DLG2: variants seen among roughly 807,000 people sequenced by gnomAD.
The protein encoded by DLG2 is disks large homolog 2.
DLG2 carries 45 observed loss-of-function variants against 132.5 expected under a neutral mutation model. That is an observed-to-expected ratio of 0.34 (90% CI 0.27 to 0.44). The LOEUF is 0.44. Among genes scored for constraint, DLG2 ranks in the 20% least tolerant of loss-of-function variants. The pLI is 1.00. For synonymous variants in DLG2, 424 were observed against 419.6 expected (o/e 1.01, Z -0.13); for missense variants, 1,045 against 1,196.9 (o/e 0.87, Z 1.87).
chr11:85,556,200 TG>T (rs1409400113), intron 3 of DLG2, among the ~76,000 whole-genome samples: 1 of 151,848 alleles, frequency 6.6e-6, no homozygotes, highest in Admixed American at 6.6e-5. Flanking sequence ...ACTCATTGCG[TG>T]TTTACTATTA....
chr11:83,995,717 C>T (rs1036952084), intron 11 of DLG2, among the ~76,000 whole-genome samples: 1 of 152,048 alleles, frequency 6.6e-6, no homozygotes, highest in Admixed American at 6.6e-5. Flanking sequence ...AAAACATACA[C>T]TGGTGAAAAG....
At chr11:84,188,195 G>A (rs1330063665) in intron 8 of DLG2, among the ~76,000 whole-genome samples, 2 of 152,048 alleles carry the variant, frequency 1.3e-5, no homozygotes, top group Admixed American at 6.6e-5. Context: ...ATAGTTATAC[G>A]CTTTAGGTGT....
chr11:85,263,769 G>T (rs1360109126), intron 4 of DLG2, among the ~76,000 whole-genome samples: 1 of 152,170 alleles, frequency 6.6e-6, no homozygotes, highest in Non-Finnish European at 1.5e-5. Context: ...GATTGGAGCT[G>T]GAAAACAGGA....
At chr11:83,646,248 C>T (rs1201111991) in intron 18 of DLG2, among the ~76,000 whole-genome samples, 1 of 152,030 alleles carries the variant, frequency 6.6e-6, no homozygotes, top group Non-Finnish European at 1.5e-5. Flanking sequence ...GTGTTCCTTG[C>T]CCAAACAGCT....
intron 6 of DLG2, among the ~76,000 whole-genome samples, chr11:84,655,615 T>C (rs1013251564): frequency 3.3e-5 from 5 of 152,082 alleles, no homozygotes; most frequent in Non-Finnish European, 5.9e-5. Context: ...AGCCAGAAGA[T>C]CTGGGTGTGA....
intron 6 of DLG2, among the ~76,000 whole-genome samples, chr11:84,796,374 T>C (rs2074607105): frequency 6.6e-6 from 1 of 152,244 alleles, no homozygotes; most frequent in Admixed American, 6.5e-5. Context: ...TTGCAGCTAT[T>C]ATTTTTTATT....
At chr11:83,730,113 T>C (rs1354778460) in intron 18 of DLG2, among the ~76,000 whole-genome samples, 1 of 151,138 alleles carries the variant, frequency 6.6e-6, no homozygotes, top group Non-Finnish European at 1.5e-5. Context: ...ATTGTGAGTA[T>C]ATTTGTCATT....
At chr11:83,516,452 C>T (rs1044531560) in intron 21 of DLG2, among the ~76,000 whole-genome samples, 2 of 152,196 alleles carry the variant, frequency 1.3e-5, no homozygotes, top group African/African-American at 2.4e-5. Flanking sequence ...GAATACAGCA[C>T]ACTGGTGGGT....
chr11:85,104,062 AGT>A (rs2071309587), intron 6 of DLG2, among the ~76,000 whole-genome samples: 1 of 151,932 alleles, frequency 6.6e-6, no homozygotes, highest in Non-Finnish European at 1.5e-5. Context: ...GGTAATAACG[AGT>A]GTTTGTGAAA....
At chr11:84,241,482 T>C (rs773525712) in intron 8 of DLG2, among the ~76,000 whole-genome samples, 31 of 152,198 alleles carry the variant, frequency 2.0e-4, no homozygotes, top group Non-Finnish European at 4.1e-4. Context: ...CAGGCAGAGA[T>C]AAGCAAGGCG....
intron 18 of DLG2, among the ~76,000 whole-genome samples, chr11:83,760,136 A>G (rs1294081564): frequency 6.6e-6 from 1 of 152,198 alleles, no homozygotes; most frequent in Non-Finnish European, 1.5e-5. Flanking sequence ...CAGCTGAGCA[A>G]TATCCTCAGA....
rs1385568826 is a variant in DLG2, at chr11:84,251,635, TTCTTTC to T, written c.520-350_520-345del. 2.0e-4 allele frequency among the ~76,000 whole-genome samples: 11 copies of T among 56,222 alleles called. No homozygotes were observed. The Admixed American group carries it at 2.3e-3, about 12-fold the overall frequency. 36.9% of individuals were successfully genotyped at this position (56,222 alleles called of 152,430 possible). ...GGGTAAGAGTTAAAACTTGTATCTT[TTCTTTC>T]TTTTTTTTTTTTTTTTGTGAGACAA... is the stretch of plus-strand genomic sequence containing the variant. On this transcript the variant is annotated intron_variant, in intron 7 of 27. Coordinates refer to ENST00000376104, the MANE Select transcript of DLG2 (RefSeq NM_001142699.3).
chr11:84,256,984 A>T (rs937809840), intron 7 of DLG2, among the ~76,000 whole-genome samples: 2 of 152,222 alleles, frequency 1.3e-5, no homozygotes, highest in Non-Finnish European at 2.9e-5. Context: ...CAGTCAGACC[A>T]TATGCTAATC....
Position 85,584,626 on chromosome 11 carries a change from C to T in DLG2, c.40+14031G>A, listed in dbSNP as rs897033070. ...TTGTACTAGTCTACATCCCCACCAG[C>T]AGTGTAAAACTGTTCCCTTTTCACC... On this transcript the variant is annotated intron_variant, in intron 3 of 27. Transcript: ENST00000376104. Among the ~76,000 whole-genome samples, 6 of 152,146 alleles carry T rather than the reference C, an allele frequency of 3.9e-5. 1 individual carries two copies. The highest frequency in any genetic ancestry group is 1.2e-4 in the African/African-American group (5 of 41,454).
chr11:83,662,877 T>TCC (rs1294987574), intron 18 of DLG2, among the ~76,000 whole-genome samples: 1 of 152,158 alleles, frequency 6.6e-6, no homozygotes, highest in African/African-American at 2.4e-5. Flanking sequence ...ATTTTGTGGC[T>TCC]CTCAGCACTG....
chr11:83,484,271 AATT>A, intron 21 of DLG2, 43 bp from the exon 22 acceptor site: 1 of 1,399,900 alleles, frequency 7.1e-7, no homozygotes, highest in Non-Finnish European at 1.0e-6. Flanking sequence ...GGGGACGTCT[AATT>A]GTTGTCACAC....
intron 4 of DLG2, among the ~76,000 whole-genome samples, chr11:85,195,795 G>A (rs2081021173): frequency 6.6e-6 from 1 of 152,036 alleles, no homozygotes; most frequent in East Asian, 1.9e-4. Context: ...CAAAGTGCTG[G>A]GATTACAAGC....
chr11:84,744,342 G>A (rs1268408652), intron 6 of DLG2, among the ~76,000 whole-genome samples: 1 of 152,176 alleles, frequency 6.6e-6, no homozygotes, highest in Non-Finnish European at 1.5e-5. Flanking sequence ...TGAAGTGCAG[G>A]TGGGGCTATA....
chr11:84,519,891 G>C (rs1179202422), intron 7 of DLG2, among the ~76,000 whole-genome samples: 1 of 152,120 alleles, frequency 6.6e-6, no homozygotes, highest in Non-Finnish European at 1.5e-5. Flanking sequence ...CATTTCTGAA[G>C]TTTTATGCAA....
Sources: allele counts gnomAD v4.1 joint callset (sites outside exome capture counted in the v4.1 genomes callset), GRCh38; gene constraint gnomAD v4.1.1; transcripts MANE v1.5; gene names NCBI Gene and HGNC (gene_info 2026-07-23, HGNC 2026-07-21).